The following MAML2 variants were observed in gnomAD, a reference collection of about 807,000 sequenced individuals.
The protein encoded by MAML2 is mastermind-like protein 2.
Under a neutral mutation model 96.1 loss-of-function variants are expected in MAML2, and 22 were observed. That is an observed-to-expected ratio of 0.23 (90% CI 0.16 to 0.33). The LOEUF is 0.33. Ranked by LOEUF, MAML2 falls within the 10% of genes least tolerant of loss-of-function variation. The pLI is 1.00. For missense variants in MAML2, 1,367 were observed against 1,392.4 expected (o/e 0.98, Z 0.29); for synonymous variants, 561 against 521.3 (o/e 1.08, Z -1.04).
chr11:96,152,161 G>T (rs1201702768), intron 1 of MAML2, among the ~76,000 whole-genome samples: 2 of 152,200 alleles, frequency 1.3e-5, no homozygotes, highest in African/African-American at 2.4e-5. Context: ...GTTTGAGGCT[G>T]CAATGAGCTA....
chr11:96,125,331 C>T (rs1335322096), intron 1 of MAML2, among the ~76,000 whole-genome samples: 1 of 152,030 alleles, frequency 6.6e-6, no homozygotes, highest in Non-Finnish European at 1.5e-5. Flanking sequence ...AGAGATGGTG[C>T]AAAAATACTC....
At chr11:96,323,334 C>T (rs1863733061) in intron 1 of MAML2, among the ~76,000 whole-genome samples, 1 of 152,066 alleles carries the variant, frequency 6.6e-6, no homozygotes, top group Admixed American at 6.5e-5. Flanking sequence ...TTCTGTTGCT[C>T]CTTCTAGCCA....
chr11:96,238,133 A>ATAG, intron 1 of MAML2, among the ~76,000 whole-genome samples: 1 of 152,262 alleles, frequency 6.6e-6, no homozygotes, highest in South Asian at 2.1e-4. Flanking sequence ...ACAAGCAATT[A>ATAG]GTACAGAGCT....
intron 1 of MAML2, among the ~76,000 whole-genome samples, chr11:96,249,224 A>G (rs1207986927): frequency 6.6e-6 from 1 of 151,766 alleles, no homozygotes; most frequent in Admixed American, 6.6e-5. Context: ...TCTCTCCCTC[A>G]CTTCTCCTCT....
At chr11:96,179,001 C>T (rs181341560) in intron 1 of MAML2, among the ~76,000 whole-genome samples, 48 of 152,236 alleles carry the variant, frequency 3.2e-4, no homozygotes, top group African/African-American at 1.1e-3. Flanking sequence ...AGGCTGTACA[C>T]GTGCCTGAAT....
At chr11:96,226,657 T>C (rs1361064681) in intron 1 of MAML2, among the ~76,000 whole-genome samples, 1 of 152,240 alleles carries the variant, frequency 6.6e-6, no homozygotes, top group Admixed American at 6.5e-5. Context: ...TCCTAGCTCA[T>C]ATTATATATA....
intron 2 of MAML2, among the ~76,000 whole-genome samples, chr11:96,063,821 ATC>A (rs750127085): frequency 6.6e-6 from 1 of 152,206 alleles, no homozygotes; most frequent in Non-Finnish European, 1.5e-5. Context: ...CAGTTTGAGA[ATC>A]TCTCTGTTAT....
intron 1 of MAML2, among the ~76,000 whole-genome samples, chr11:96,180,137 G>A (rs1325410798): frequency 6.6e-6 from 1 of 151,012 alleles, no homozygotes; most frequent in Admixed American, 6.6e-5. Flanking sequence ...GACCTAGTGT[G>A]GGCAGTAGTG....
chr11:96,124,345 G>A (rs748817780), intron 1 of MAML2, among the ~76,000 whole-genome samples: 2 of 152,092 alleles, frequency 1.3e-5, no homozygotes, highest in Non-Finnish European at 2.9e-5. Context: ...GGGGAGGAGT[G>A]GTGTGTTAGC....
chr11:96,141,919 G>A (rs1860737144), intron 1 of MAML2, among the ~76,000 whole-genome samples: 1 of 152,172 alleles, frequency 6.6e-6, no homozygotes, highest in Admixed American at 6.5e-5. Flanking sequence ...AGCAATCTGA[G>A]GCAGGATGAG....
In MAML2 at chr11:96,333,563, T is replaced by C. The variant is rs555578571; in HGVS notation, c.513+7820A>G. 7.4e-4 allele frequency among the ~76,000 whole-genome samples: 112 copies of C among 152,302 alleles called. No homozygotes were observed. In the Middle Eastern group the frequency reaches 0.01, roughly 14 times the overall value. ...GGCAACATCTTCCTCATGTTTTTTATGGAAAACCGCACTTGAGGAGGTACT... is the reference window on the plus strand; with the variant it reads ...GGCAACATCTTCCTCATGTTTTTTACGGAAAACCGCACTTGAGGAGGTACT... On this transcript the variant is annotated intron_variant, in intron 1 of 4. Coordinates refer to ENST00000524717, the MANE Select transcript of MAML2 (RefSeq NM_032427.4).
At chr11:96,066,282 T>C (rs536398250) in intron 2 of MAML2, among the ~76,000 whole-genome samples, 14 of 152,310 alleles carry the variant, frequency 9.2e-5, no homozygotes, top group South Asian at 6.2e-4. Flanking sequence ...TCGTGTTAAA[T>C]GACTCACTGG....
At chr11:96,171,134 C>T (rs1267387159) in intron 1 of MAML2, among the ~76,000 whole-genome samples, 1 of 151,892 alleles carries the variant, frequency 6.6e-6, no homozygotes. Context: ...TTCCTACTGT[C>T]TCCAAGGTAA....
At chr11:95,992,385 A>G (rs1373594277) in intron 2 of MAML2, among the ~76,000 whole-genome samples, 2 of 152,172 alleles carry the variant, frequency 1.3e-5, no homozygotes, top group Non-Finnish European at 2.9e-5. Context: ...TAAAAACTCA[A>G]CTGTATATCA....
intron 1 of MAML2, among the ~76,000 whole-genome samples, chr11:96,318,111 ATGAG>A (rs1242160199): frequency 6.6e-6 from 1 of 152,202 alleles, no homozygotes; most frequent in African/African-American, 2.4e-5. Flanking sequence ...ACTTTTGGCA[ATGAG>A]TCAGTACACA....
At chr11:96,017,207 A>G (rs1858367633) in intron 2 of MAML2, among the ~76,000 whole-genome samples, 1 of 152,200 alleles carries the variant, frequency 6.6e-6, no homozygotes, top group Non-Finnish European at 1.5e-5. Context: ...AGTTAGCTAA[A>G]TTGCACAACA....
intron 2 of MAML2, among the ~76,000 whole-genome samples, chr11:96,079,287 A>G (rs952188060): frequency 2.6e-5 from 4 of 152,226 alleles, no homozygotes; most frequent in African/African-American, 9.6e-5. Flanking sequence ...TAAATTATAT[A>G]CATACACATG....
rs550073014 is a variant in MAML2, at chr11:96,264,641, G to A, written c.513+76742C>T. 9.2e-5 allele frequency among the ~76,000 whole-genome samples: 14 copies of A among 152,074 alleles called. No individual in the cohort carries two copies. The South Asian group carries it at 2.5e-3, about 27-fold the overall frequency. ...GGAATGTCTCCTCATCCACTCTACC[G>A]TACTGGTTTCAAGTTATGTCTTCTA... On this transcript the variant is annotated intron_variant, in intron 1 of 4. Transcript: ENST00000524717.
At chr11:96,074,025 C>T (rs1362604816) in intron 2 of MAML2, among the ~76,000 whole-genome samples, 1 of 152,100 alleles carries the variant, frequency 6.6e-6, no homozygotes, top group African/African-American at 2.4e-5. Context: ...CGTCTCAATG[C>T]TTTCAGGCTA....
Sources: gnomAD v4.1 joint callset for allele counts (sites outside exome capture counted in the v4.1 genomes callset) on GRCh38, gnomAD v4.1.1 for gene constraint, MANE v1.5 for transcripts, NCBI Gene and HGNC (gene_info 2026-07-23, HGNC 2026-07-21) for gene names.